TEAD4: variants seen among roughly 807,000 people sequenced by gnomAD.
TEAD4 encodes the protein TEA domain transcription factor 4, also known as transcriptional enhancer factor TEF-3.
A neutral mutation model predicts 52.4 loss-of-function variants in TEAD4; 36 were observed. The observed-to-expected ratio is 0.69, with a 90% CI of 0.53 to 0.91. The LOEUF (loss-of-function observed/expected upper bound fraction) is 0.91, where lower values mean the gene tolerates loss of function less well. Ranked by LOEUF, TEAD4 falls within the 40% of genes least tolerant of loss-of-function variation. TEAD4 has a pLI of 0.00. For missense variants in TEAD4, 508 were observed against 583.9 expected, an observed-to-expected ratio of 0.87 and a Z score of 1.34; for synonymous variants, 220 against 231.0, an observed-to-expected ratio of 0.95 and a Z score of 0.43.
intron 10 of TEAD4, among the ~76,000 whole-genome samples, chr12:3,030,076 C>A (rs1459521069): frequency 6.6e-6 from 1 of 152,208 alleles, no homozygotes; most frequent in Non-Finnish European, 1.5e-5. Context: ...CCTGTTCTTA[C>A]TCCCCCTCTT....
chr12:2,976,717 GCTGGGTC>G (rs1443968418), intron 2 of TEAD4, among the ~76,000 whole-genome samples: 1 of 105,848 alleles, frequency 9.4e-6, no homozygotes, highest in African/African-American at 6.2e-5. Context: ...GAGATGGGAT[GCTGGGTC>G]CAGGCTGAGA....
At chr12:2,993,928 G>T (rs973770650) in intron 2 of TEAD4, among the ~76,000 whole-genome samples, 2 of 152,302 alleles carry the variant, frequency 1.3e-5, no homozygotes, top group East Asian at 3.9e-4. Flanking sequence ...CTCCTATTTC[G>T]CTGTAGGTAT....
intron 2 of TEAD4, among the ~76,000 whole-genome samples, chr12:2,973,537 T>C (rs2098226964): frequency 6.6e-6 from 1 of 152,194 alleles, no homozygotes; most frequent in Non-Finnish European, 1.5e-5. Flanking sequence ...GTGGCCTTTC[T>C]CACAGTGCAA....
At chr12:3,014,770 TC>T (rs1422281704) in intron 5 of TEAD4, among the ~76,000 whole-genome samples, 1 of 152,154 alleles carries the variant, frequency 6.6e-6, no homozygotes, top group Non-Finnish European at 1.5e-5. Flanking sequence ...CCTTCCCACT[TC>T]CTCTGACCCC....
rs779330383 is a variant in TEAD4 at position 3,040,440 on chromosome 12, G to A, written c.1267G>A (p.Gly423Arg). Residue 423 changes from glycine (G) to arginine (R), a missense_variant, in exon 13 of 13, where the codon GGG (glycine) becomes AGG (arginine). Coordinates refer to ENST00000359864, the MANE Select transcript of TEAD4 (RefSeq NM_003213.4). Reference sequence around the variant, plus strand: ...CTTTGAGGTGTCAGCCAGTGAGCACGGGGCTCAGCACCACATCTACAGGCT... The same window carrying A: ...CTTTGAGGTGTCAGCCAGTGAGCACAGGGCTCAGCACCACATCTACAGGCT... The A allele has an allele frequency of 1.1e-5, 17 of 1,614,136 alleles. No individual in the cohort carries two copies. The highest frequency in any genetic ancestry group is 2.2e-5 in the East Asian group (1 of 44,876).
intron 10 of TEAD4, among the ~76,000 whole-genome samples, chr12:3,023,833 C>T (rs1469507614): frequency 2.7e-5 from 4 of 150,572 alleles, no homozygotes; most frequent in Non-Finnish European, 5.9e-5. Context: ...TCTTGTCCTA[C>T]TCCTCCCCAC....
At chr12:3,036,310 G>A (rs1278311425) in intron 10 of TEAD4, among the ~76,000 whole-genome samples, 1 of 152,098 alleles carries the variant, frequency 6.6e-6, no homozygotes, top group East Asian at 1.9e-4. Context: ...AATAAATGCA[G>A]GTCCTTCTCA....
At chr12:3,019,455 G>A (rs911908422) in intron 8 of TEAD4, among the ~76,000 whole-genome samples, 3 of 152,342 alleles carry the variant, frequency 2.0e-5, no homozygotes, top group East Asian at 1.9e-4. Flanking sequence ...GGCAGTGCCC[G>A]TGCCCTGGCG....
chr12:2,990,565 A>G (rs923953029), intron 2 of TEAD4, among the ~76,000 whole-genome samples: 7 of 141,804 alleles, frequency 4.9e-5, no homozygotes, highest in African/African-American at 1.9e-4. Context: ...TCCCAGGTAC[A>G]AGTCATTCTC....
chr12:3,004,793 C>G (rs969474411), intron 3 of TEAD4, among the ~76,000 whole-genome samples: 4 of 152,206 alleles, frequency 2.6e-5, no homozygotes, highest in Non-Finnish European at 1.5e-5. Flanking sequence ...ACGGCAGCTC[C>G]CTCTGTGTGT....
At chr12:3,020,143 G>C (rs926081399) in intron 8 of TEAD4, among the ~76,000 whole-genome samples, 2 of 152,170 alleles carry the variant, frequency 1.3e-5, no homozygotes, top group African/African-American at 4.8e-5. Flanking sequence ...TGTTAGCAAC[G>C]CTGGATTGAG....
intron 2 of TEAD4, among the ~76,000 whole-genome samples, chr12:2,983,817 C>G (rs567291158): frequency 1.3e-5 from 2 of 152,336 alleles, no homozygotes; most frequent in South Asian, 4.1e-4. Context: ...TTTGTTCATT[C>G]TGTGTTCATC....
At chr12:3,007,034 C>G (rs2098256496) in intron 3 of TEAD4, among the ~76,000 whole-genome samples, 1 of 152,068 alleles carries the variant, frequency 6.6e-6, no homozygotes, top group Non-Finnish European at 1.5e-5. Context: ...CAAAACAAAA[C>G]AAAAAAGAAG....
intron 2 of TEAD4, among the ~76,000 whole-genome samples, chr12:2,985,194 C>G (rs1435018804): frequency 6.6e-6 from 1 of 151,936 alleles, no homozygotes; most frequent in African/African-American, 2.4e-5. Context: ...ACCATCCTGG[C>G]TAACATGGTG....
chr12:3,037,284 T>A (rs962214102), intron 10 of TEAD4, among the ~76,000 whole-genome samples: 1 of 152,052 alleles, frequency 6.6e-6, no homozygotes, highest in African/African-American at 2.4e-5. Flanking sequence ...CCCGGGGCAG[T>A]TAAGAGAATG....
At chr12:3,001,365 T>G (rs1406472529) in intron 3 of TEAD4, among the ~76,000 whole-genome samples, 2 of 152,210 alleles carry the variant, frequency 1.3e-5, no homozygotes, top group African/African-American at 2.4e-5. Context: ...TCATCTCAAA[T>G]AGAAATTCTG....
chr12:3,035,874 G>C (rs542341363), intron 10 of TEAD4, among the ~76,000 whole-genome samples: 2 of 151,608 alleles, frequency 1.3e-5, no homozygotes, highest in Non-Finnish European at 2.9e-5. Flanking sequence ...CGAAAGCCTG[G>C]GTTCTGGTCC....
intron 10 of TEAD4, among the ~76,000 whole-genome samples, chr12:3,034,305 G>C (rs768104699): frequency 1.3e-5 from 2 of 152,138 alleles, no homozygotes; most frequent in Non-Finnish European, 2.9e-5. Context: ...GTTCCTGCTT[G>C]CGCCTGAGGG....
At chr12:3,010,058 C>A (rs75400601) in intron 3 of TEAD4, among the ~76,000 whole-genome samples, 11,139 of 152,292 alleles carry the variant, frequency 0.073, 443 homozygotes, top group Non-Finnish European at 0.092. Flanking sequence ...CTGATCCCCC[C>A]ACTCAAACCC....
Sources: gnomAD v4.1 joint callset for allele counts (sites outside exome capture counted in the v4.1 genomes callset) on GRCh38, gnomAD v4.1.1 for gene constraint, MANE v1.5 for transcripts, NCBI Gene and HGNC (gene_info 2026-07-23, HGNC 2026-07-21) for gene names.